TMEM132C: variants seen among roughly 807,000 people sequenced by gnomAD.
TMEM132C encodes the protein protein phosphatase 1, regulatory subunit 152.
TMEM132C carries 29 observed loss-of-function variants against 61.4 expected under a neutral mutation model. The ratio of observed to expected loss-of-function variants is 0.47; its 90% CI spans 0.35 to 0.64. TMEM132C has a LOEUF of 0.64. Ranked by LOEUF, TMEM132C falls within the 30% of genes least tolerant of loss-of-function variation. The probability of loss-of-function intolerance (pLI) is 0.00; values close to 1 mark genes in which losing one functional copy is unlikely to be tolerated. For synonymous variants in TMEM132C, 656 were observed against 633.1 expected (o/e 1.04, Z -0.54); for missense variants, 1,408 against 1,476.9 (o/e 0.95, Z 0.76).
chr12:128,404,254 T>G (rs546362754), intron 1 of TMEM132C, among the ~76,000 whole-genome samples: 2 of 152,314 alleles, frequency 1.3e-5, no homozygotes, highest in East Asian at 1.9e-4. Flanking sequence ...CTAGTAAAAA[T>G]ACTATATTTG....
chr12:128,306,484 G>C (rs1338546212), intron 1 of TMEM132C, among the ~76,000 whole-genome samples: 2 of 152,042 alleles, frequency 1.3e-5, no homozygotes, highest in Non-Finnish European at 2.9e-5. Flanking sequence ...TTACAGGCGT[G>C]AGCCACCGCA....
chr12:128,290,964 A>G (rs1166120354), intron 1 of TMEM132C, among the ~76,000 whole-genome samples: 1 of 152,078 alleles, frequency 6.6e-6, no homozygotes, highest in Non-Finnish European at 1.5e-5. Context: ...CACCCCTCCC[A>G]GTTGAGAATT....
intron 4 of TMEM132C, among the ~76,000 whole-genome samples, chr12:128,657,104 T>C (rs1954333327): frequency 6.6e-6 from 1 of 152,098 alleles, no homozygotes; most frequent in Admixed American, 6.5e-5. Flanking sequence ...AAAAAATTGG[T>C]TCTTTCTTTC....
At chr12:128,447,710 T>TAGAAAAGCATAGTAATA (rs1593056798) in intron 2 of TMEM132C, among the ~76,000 whole-genome samples, 1 of 110,298 alleles carries the variant, frequency 9.1e-6, no homozygotes, top group Non-Finnish European at 1.8e-5. Flanking sequence ...AAGTGCTTTT[T>TAGAAAAGCATAGTAATA]TTTTTTTTTT....
intron 5 of TMEM132C, among the ~76,000 whole-genome samples, chr12:128,674,392 A>G (rs1001065323): frequency 2.8e-4 from 43 of 152,216 alleles, no homozygotes; most frequent in African/African-American, 1.0e-3. Flanking sequence ...TGTTTCATCC[A>G]TTTATGAATC....
chr12:128,700,166 C>A (rs923087514), intron 8 of TMEM132C, among the ~76,000 whole-genome samples: 2 of 152,166 alleles, frequency 1.3e-5, no homozygotes, highest in Non-Finnish European at 2.9e-5. Context: ...CATCAGCTGA[C>A]AGTAATTGGT....
At chr12:128,676,442 T>C (rs1398885682) in intron 5 of TMEM132C, among the ~76,000 whole-genome samples, 1 of 152,154 alleles carries the variant, frequency 6.6e-6, no homozygotes, top group Non-Finnish European at 1.5e-5. Context: ...TTTCTGATTA[T>C]ATAAGTAATG....
intron 2 of TMEM132C, among the ~76,000 whole-genome samples, chr12:128,506,220 T>G (rs1872354204): frequency 6.6e-6 from 1 of 152,134 alleles, no homozygotes; most frequent in South Asian, 2.1e-4. Flanking sequence ...GAGAAAGCAG[T>G]GGGGAATGGC....
chr12:128,507,130 A>G (rs1418399157), intron 2 of TMEM132C, among the ~76,000 whole-genome samples: 1 of 152,122 alleles, frequency 6.6e-6, no homozygotes, highest in Non-Finnish European at 1.5e-5. Flanking sequence ...TCTTGCTTAA[A>G]TCAGTCTGAG....
chr12:128,474,243 C>T (rs896111088), intron 2 of TMEM132C, among the ~76,000 whole-genome samples: 1 of 152,198 alleles, frequency 6.6e-6, no homozygotes. Context: ...CCTGGTGATG[C>T]AGATGCTGCT....
At chr12:128,315,513 A>G (rs528697333) in intron 1 of TMEM132C, among the ~76,000 whole-genome samples, 1 of 152,130 alleles carries the variant, frequency 6.6e-6, no homozygotes, top group African/African-American at 2.4e-5. Context: ...TCTACTCACC[A>G]AATCCACCCA....
chr12:128,517,226 G>A (rs568009299), intron 2 of TMEM132C, among the ~76,000 whole-genome samples: 54 of 121,464 alleles, frequency 4.4e-4, no homozygotes, highest in Admixed American at 3.4e-3. Flanking sequence ...GCAAGACTCC[G>A]TCTCAACAAA....
At chr12:128,399,184 C>G (rs1253285935) in intron 1 of TMEM132C, among the ~76,000 whole-genome samples, 1 of 152,134 alleles carries the variant, frequency 6.6e-6, no homozygotes, top group Admixed American at 6.5e-5. Context: ...GCGGAAGACT[C>G]TTTGGTACAC....
chr12:128,528,231 G>C (rs1017076275), intron 2 of TMEM132C, among the ~76,000 whole-genome samples: 1 of 152,184 alleles, frequency 6.6e-6, no homozygotes, highest in African/African-American at 2.4e-5. Context: ...CACTAGGGGA[G>C]TCTCATCTGC....
At chr12:128,561,101 TCTC>T (rs1874502033) in intron 3 of TMEM132C, among the ~76,000 whole-genome samples, 2 of 152,202 alleles carry the variant, frequency 1.3e-5, no homozygotes, top group Non-Finnish European at 1.5e-5. Flanking sequence ...CCCTGCCAGC[TCTC>T]CTCCTCTCAA....
intron 2 of TMEM132C, among the ~76,000 whole-genome samples, chr12:128,509,515 G>A (rs1421393746): frequency 6.6e-6 from 1 of 152,102 alleles, no homozygotes; most frequent in African/African-American, 2.4e-5. Context: ...CAGCTGTTGA[G>A]TAACAAGAAG....
chr12:128,402,428 G>C (rs1413236311), intron 1 of TMEM132C, among the ~76,000 whole-genome samples: 1 of 152,096 alleles, frequency 6.6e-6, no homozygotes, highest in Non-Finnish European at 1.5e-5. Context: ...CCCAGTGTGT[G>C]TTGTTTCCCT....
intron 1 of TMEM132C, among the ~76,000 whole-genome samples, chr12:128,372,804 T>C (rs768651168): frequency 6.6e-6 from 1 of 152,108 alleles, no homozygotes; most frequent in Non-Finnish European, 1.5e-5. Flanking sequence ...TTCTAGGCTT[T>C]ATCGTAACCA....
At chr12:128,343,073 A>C (rs1873030474) in intron 1 of TMEM132C, among the ~76,000 whole-genome samples, 2 of 152,224 alleles carry the variant, frequency 1.3e-5, no homozygotes, top group South Asian at 4.1e-4. Context: ...AGATGCTGCC[A>C]GGTGGCAGTT....
Sources: allele counts gnomAD v4.1 joint callset (sites outside exome capture counted in the v4.1 genomes callset), GRCh38; gene constraint gnomAD v4.1.1; transcripts MANE v1.5; gene names NCBI Gene and HGNC (gene_info 2026-07-23, HGNC 2026-07-21).